OSBPL10: variants seen among roughly 807,000 people sequenced by gnomAD.
OSBPL10 encodes oxysterol binding protein like 10.
OSBPL10 carries 49 observed loss-of-function variants against 81.7 expected under a neutral mutation model. The ratio of observed to expected loss-of-function variants is 0.60; its 90% CI spans 0.48 to 0.76. The LOEUF (loss-of-function observed/expected upper bound fraction) is 0.76. Among genes scored for constraint, OSBPL10 ranks in the 30% least tolerant of loss-of-function variants. OSBPL10 has a pLI of 0.00. For synonymous variants in OSBPL10, 419 were observed against 383.6 expected, an observed-to-expected ratio of 1.09 and a Z score of -1.08; for missense variants, 923 against 987.8, an observed-to-expected ratio of 0.93 and a Z score of 0.88.
At chr3:31,976,120 T>C (rs1443768168) in intron 1 of OSBPL10, among the ~76,000 whole-genome samples, 4 of 152,192 alleles carry the variant, frequency 2.6e-5, no homozygotes, top group East Asian at 3.8e-4. Context: ...ATGATAATTA[T>C]GTTAATGTGG....
At chr3:32,035,924 C>A (rs1438672066) in intron 2 of OSBPL10, among the ~76,000 whole-genome samples, 2 of 152,184 alleles carry the variant, frequency 1.3e-5, no homozygotes, top group African/African-American at 4.8e-5. Context: ...CAAATTGAAA[C>A]TCTGTATCCA....
At chr3:31,928,787 C>A (rs1697155476) in intron 1 of OSBPL10, among the ~76,000 whole-genome samples, 1 of 139,682 alleles carries the variant, frequency 7.2e-6, no homozygotes, top group South Asian at 2.3e-4. Flanking sequence ...AAAAAGAATG[C>A]CCAGAATGTA....
chr3:31,962,985 G>T (rs899026734), intron 1 of OSBPL10, among the ~76,000 whole-genome samples: 14 of 152,124 alleles, frequency 9.2e-5, no homozygotes, highest in African/African-American at 2.9e-4. Flanking sequence ...TAATATTACA[G>T]GAAGTGGTGT....
chr3:31,833,432 A>C (rs2125536260), intron 3 of OSBPL10, among the ~76,000 whole-genome samples: 1 of 152,328 alleles, frequency 6.6e-6, no homozygotes, highest in South Asian at 2.1e-4. Context: ...AAATTAGATT[A>C]TGCATATACA....
At chr3:31,810,383 C>G (rs1699648999) in intron 4 of OSBPL10, among the ~76,000 whole-genome samples, 1 of 151,908 alleles carries the variant, frequency 6.6e-6, no homozygotes, top group East Asian at 1.9e-4. Flanking sequence ...CATACCATTA[C>G]TTGAAAACAT....
chr3:31,672,935 C>G (rs1250433784), intron 8 of OSBPL10, among the ~76,000 whole-genome samples: 1 of 152,150 alleles, frequency 6.6e-6, no homozygotes. Flanking sequence ...TAATTGAGTA[C>G]ATTTAATGCA....
In OSBPL10 at chr3:31,931,440, T is replaced by A. The variant is rs530802480; in HGVS notation, c.281+49459A>T. ...CCTAGCTGGTCTCCATACTCCCCTC[T>A]ACCCATTAAGAATGCACCTATACTC... On this transcript the variant is annotated intron_variant, in intron 1 of 11. Transcript: ENST00000396556. 1.8e-3 allele frequency among the ~76,000 whole-genome samples: 274 copies of A among 152,260 alleles called. 1 individual carries two copies. Among genetic ancestry groups the A allele is most frequent in the African/African-American group, 6.4e-3 (264 of 41,558 alleles).
At chr3:31,756,834 C>T (rs1003461192) in intron 4 of OSBPL10, among the ~76,000 whole-genome samples, 6 of 152,182 alleles carry the variant, frequency 3.9e-5, no homozygotes, top group African/African-American at 1.2e-4. Flanking sequence ...TTGGCTTTCA[C>T]ATTTTAAATC....
At position 31,710,036 on chromosome 3, in the gene OSBPL10, G is replaced by A. The variant is rs78630093; in HGVS notation, c.1096-7528C>T. ...GTATTTGGGATAAAAGTCATAGTGAGGATAAGGAAGAGGCCATGAAATCAG... is the reference window on the plus strand; with the variant it reads ...GTATTTGGGATAAAAGTCATAGTGAAGATAAGGAAGAGGCCATGAAATCAG... On this transcript the variant is annotated intron_variant, in intron 6 of 11. Coordinates refer to ENST00000396556, the MANE Select transcript of OSBPL10 (RefSeq NM_017784.5). Among the ~76,000 whole-genome samples the A allele has an allele frequency of 7.9e-3, 1,202 of 152,320 alleles. 7 individuals carry two copies. Among genetic ancestry groups the A allele is most frequent in the Middle Eastern group, 0.017 (5 of 294 alleles).
chr3:31,998,530 T>C (rs1318759793), intron 2 of OSBPL10, among the ~76,000 whole-genome samples: 1 of 152,224 alleles, frequency 6.6e-6, no homozygotes, highest in African/African-American at 2.4e-5. Flanking sequence ...TGGAGATATT[T>C]CATTCTGTCA....
intron 3 of OSBPL10, among the ~76,000 whole-genome samples, chr3:31,839,356 A>G (rs1700437678): frequency 6.6e-6 from 1 of 152,222 alleles, no homozygotes; most frequent in Non-Finnish European, 1.5e-5. Context: ...ATAAACATTT[A>G]CTATGTGCCA....
intron 2 of OSBPL10, among the ~76,000 whole-genome samples, chr3:32,033,668 GAGA>G (rs1360055777): frequency 3.3e-5 from 5 of 152,230 alleles, no homozygotes; most frequent in African/African-American, 1.2e-4. Flanking sequence ...GCCCCAAAGT[GAGA>G]AGACTTATCT....
chr3:32,053,979 A>C (rs1699688304), intron 1 of OSBPL10, among the ~76,000 whole-genome samples: 1 of 152,198 alleles, frequency 6.6e-6, no homozygotes, highest in Non-Finnish European at 1.5e-5. Context: ...AAAAAACAAA[A>C]GAAAGAAAGA....
chr3:31,665,477 G>C (rs539196878), intron 10 of OSBPL10, among the ~76,000 whole-genome samples: 25 of 152,258 alleles, frequency 1.6e-4, no homozygotes, highest in Admixed American at 1.6e-3. Flanking sequence ...AGGAAGGCTT[G>C]AGTGCTGGCA....
rs115566316 is a variant in OSBPL10, at chr3:32,047,412, C to T, written n.186-809G>A. On this transcript the variant is annotated intron_variant and non_coding_transcript_variant, in intron 1 of 3. Transcript: ENST00000479173. ...TGCTAAACAAGCGGTGGATTATTCA[C>T]GAGTTTTCCCGGAAAGGGGCAGGGA... Among the ~76,000 whole-genome samples the T allele has an allele frequency of 7.2e-3, 1,098 of 152,214 alleles. 11 individuals carry two copies. Among genetic ancestry groups the T allele is most frequent in the African/African-American group, 0.025 (1,042 of 41,536 alleles).
Position 31,747,941 on chromosome 3 carries a change from C to T in OSBPL10, c.909G>A (p.Ala303=). 1 of 1,613,828 alleles carries T rather than the reference C, an allele frequency of 6.2e-7. No homozygotes were observed. ...LNLLQQSVHQ[A]GQPSQKPGAS... is the part of the protein sequence containing the mutation. ...CTCCTGGCTTCTGGCTGGGCTGGCC[C>T]GCCTGGTGCACACTCTGCTGTAACA... The change falls in exon 5 of 12, where the codon GCG becomes GCA. Residue 303 remains alanine (A), a synonymous_variant. Transcript: ENST00000396556.
intron 4 of OSBPL10, among the ~76,000 whole-genome samples, chr3:31,766,608 G>A (rs1350387877): frequency 1.3e-5 from 2 of 151,886 alleles, no homozygotes; most frequent in Non-Finnish European, 1.5e-5. Context: ...CAAATTGCTG[G>A]GATTACAGGT....
chr3:31,998,263 G>A (rs1423843382), intron 2 of OSBPL10, among the ~76,000 whole-genome samples: 1 of 152,158 alleles, frequency 6.6e-6, no homozygotes, highest in Non-Finnish European at 1.5e-5. Flanking sequence ...GCCCCCAGAT[G>A]AAAGGGAAGA....
chr3:32,053,915 C>T (rs1699687887), intron 1 of OSBPL10, among the ~76,000 whole-genome samples: 1 of 152,042 alleles, frequency 6.6e-6, no homozygotes, highest in Admixed American at 6.6e-5. Context: ...TTGCAGTGAG[C>T]CAAGATTGCA....
Sources: allele counts gnomAD v4.1 joint callset (sites outside exome capture counted in the v4.1 genomes callset), GRCh38; gene constraint gnomAD v4.1.1; transcripts MANE v1.5; gene names NCBI Gene and HGNC (gene_info 2026-07-23, HGNC 2026-07-21).